The following BAZ2A variants were observed in gnomAD, a reference collection of about 807,000 sequenced individuals.
The protein encoded by BAZ2A is bromodomain adjacent to zinc finger domain 2A.
Under a neutral mutation model 199.9 loss-of-function variants are expected in BAZ2A, and 34 were observed. The ratio of observed to expected loss-of-function variants is 0.17; its 90% CI spans 0.13 to 0.23. The LOEUF (loss-of-function observed/expected upper bound fraction) is 0.23, where lower values mean the gene tolerates loss of function less well. BAZ2A is among the 10% of genes least tolerant of loss of function. The pLI is 1.00. For synonymous variants in BAZ2A, 857 were observed against 883.9 expected, an observed-to-expected ratio of 0.97 and a Z score of 0.54; for missense variants, 2,002 against 2,391.1, an observed-to-expected ratio of 0.84 and a Z score of 3.39.
intron 27 of BAZ2A, 56 bp from the exon 28 acceptor site, chr12:56,599,067 T>C (rs925756025): frequency 6.3e-7 from 1 of 1,599,910 alleles, no homozygotes; most frequent in Non-Finnish European, 8.5e-7. Context: ...TACTGACCCC[T>C]CCCAGCCCTT....
chr12:56,603,240 C>T lies in BAZ2A; in HGVS notation c.3279+119G>A, dbSNP rs1950238698. 41 of 1,193,242 alleles carry T rather than the reference C, an allele frequency of 3.4e-5. 1 individual carries two copies. Among genetic ancestry groups the T allele is most frequent in the Middle Eastern group, 5.6e-4 (2 of 3,592 alleles). 73.9% of individuals were successfully genotyped at this position (1,193,242 alleles called of 1,614,324 possible). A position where few individuals can be genotyped will look rare whatever the true frequency, so the allele number is the denominator to read the frequency against. On this transcript the variant is annotated intron_variant, in intron 18 of 28. Coordinates refer to ENST00000549884, the MANE Select transcript of BAZ2A (RefSeq NM_001300905.2). ...CCATGATCGTGCCACTGCACTCCAG[C>T]CTGGGTAACAGAAACCCCATCTCAA...
chr12:56,626,266 G>T (rs1258024282), intron 1 of BAZ2A, among the ~76,000 whole-genome samples: 2 of 152,128 alleles, frequency 1.3e-5, no homozygotes, highest in East Asian at 3.8e-4. Flanking sequence ...TTTACCCCAG[G>T]AATTATCTCA....
chr12:56,625,137 A>AT, intron 1 of BAZ2A, among the ~76,000 whole-genome samples: 1 of 140,738 alleles, frequency 7.1e-6, no homozygotes, highest in African/African-American at 2.6e-5. Context: ...TTCAGCTCTG[A>AT]TTGTTTCTTA....
chr12:56,611,727 A>C, intron 6 of BAZ2A, 46 bp downstream of exon 6: 1 of 1,520,062 alleles, frequency 6.6e-7, no homozygotes, highest in Non-Finnish European at 8.8e-7. Context: ...GGGACAGAAA[A>C]GTTTCTTGGA....
chr12:56,608,793 T>A (rs1405901737), intron 10 of BAZ2A, among the ~76,000 whole-genome samples: 2 of 149,932 alleles, frequency 1.3e-5, no homozygotes, highest in East Asian at 2.0e-4. Flanking sequence ...GGTCTTGAAC[T>A]CCCGACCTCA....
At chr12:56,599,387 A>G (rs760676946) in intron 26 of BAZ2A, 29 bp from the exon 27 acceptor site, 2 of 1,595,582 alleles carry the variant, frequency 1.3e-6, no homozygotes, top group Admixed American at 1.7e-5. Context: ...TGAGATTAGC[A>G]ACAGCTGGAG....
At chr12:56,612,287 A>C (rs180946270) in intron 5 of BAZ2A, 41 bp from the exon 6 acceptor site, 30 of 1,430,340 alleles carry the variant, frequency 2.1e-5, no homozygotes, top group Non-Finnish European at 2.8e-5. Flanking sequence ...AAAAAAAAAA[A>C]GGCATCACAT....
chr12:56,596,194 CTTG>C lies in BAZ2A; in HGVS notation c.*2421_*2423del, dbSNP rs1182574279. Reference sequence around the variant, plus strand: ...TTTTGCTGTAAAAGGAACACAGAAACTTGTTGGTGTTGATGGTGTGGTTTCTTC... The same window carrying C: ...TTTTGCTGTAAAAGGAACACAGAAACTTGGTGTTGATGGTGTGGTTTCTTC... On this transcript the variant is annotated 3_prime_UTR_variant, in exon 29 of 29. Transcript: ENST00000549884. 1 of 152,734 alleles carries C rather than the reference CTTG, an allele frequency of 6.5e-6. No individual in the cohort carries two copies. The highest frequency in any genetic ancestry group is 6.5e-5 in the Admixed American group (1 of 15,290). 9.5% of individuals were successfully genotyped at this position (152,734 alleles called of 1,614,324 possible).
chr12:56,615,906 TTTTG>T (rs754780389), intron 2 of BAZ2A, among the ~76,000 whole-genome samples: 8 of 152,076 alleles, frequency 5.3e-5, no homozygotes, highest in Admixed American at 3.3e-4. Context: ...TTGGTTTATT[TTTTG>T]TTTGTTTGTT....
chr12:56,600,800 A>C lies in BAZ2A; in HGVS notation c.4483T>G (p.Phe1495Val). ...PIFEPRQLPA[F>V]QEGIMSWSPK... ...GACCAGCTCATAATCCCTTCTTGAA[A>C]GGCAGGTAGTTGCCTGGGCTCAAAG... The change falls in exon 23 of 29, where the codon TTT (phenylalanine) becomes GTT (valine). Residue 1495 changes from phenylalanine to valine, a missense_variant. This residue lies in a region of BAZ2A where 1,081 missense variants were observed against 1,274.7 expected (regional missense o/e 0.85). Transcript: ENST00000549884. 1.1e-5 allele frequency: 17 copies of C among 1,613,898 alleles called. No individual in the cohort carries two copies. Among genetic ancestry groups the C allele is most frequent in the Non-Finnish European group, 1.4e-5 (17 of 1,179,860 alleles).
In BAZ2A at chr12:56,617,385, T is replaced by G; in HGVS notation, c.136+10A>C. 6.3e-7 allele frequency: 1 copy of G among 1,592,156 alleles called. No homozygotes were observed. On this transcript the variant is annotated intron_variant, in intron 2 of 28. Coordinates refer to ENST00000549884, the MANE Select transcript of BAZ2A (RefSeq NM_001300905.2). ...ATTCCCTCCCCAGGCCAAGCAGCCC[T>G]CACACTCACTTTTCCCTTGCTGGGG... is the stretch of plus-strand genomic sequence containing the variant.
At chr12:56,621,890 A>T (rs1950931172) in intron 1 of BAZ2A, among the ~76,000 whole-genome samples, 1 of 151,944 alleles carries the variant, frequency 6.6e-6, no homozygotes, top group Non-Finnish European at 1.5e-5. Context: ...GGGTCTCGCT[A>T]TGTTGCCCAT....
intron 1 of BAZ2A, among the ~76,000 whole-genome samples, chr12:56,627,807 C>T (rs1379852224): frequency 2.2e-5 from 3 of 134,068 alleles, no homozygotes; most frequent in East Asian, 2.1e-4. Flanking sequence ...GCCTGGGCAT[C>T]GGAGTGAGAC....
chr12:56,617,172 A>G (rs1019993691), intron 2 of BAZ2A, among the ~76,000 whole-genome samples: 10 of 149,920 alleles, frequency 6.7e-5, no homozygotes, highest in African/African-American at 2.2e-4. Flanking sequence ...AGCCAGGGGA[A>G]CAGGGCTGAC....
chr12:56,628,251 C>T (rs1421874776), intron 1 of BAZ2A, among the ~76,000 whole-genome samples: 1 of 147,686 alleles, frequency 6.8e-6, no homozygotes, highest in Non-Finnish European at 1.5e-5. Flanking sequence ...AAATAAAATT[C>T]TGTGGCCAAC....
chr12:56,605,501 A>G (rs1243317690), intron 13 of BAZ2A, 174 bp from the exon 14 acceptor site: 9 of 728,274 alleles, frequency 1.2e-5, no homozygotes, highest in African/African-American at 1.1e-4. Flanking sequence ...TGCTTACTGC[A>G]GCCTCGACCT....
intron 19 of BAZ2A, 121 bp from the exon 20 acceptor site, chr12:56,602,313 T>A: frequency 1.1e-6 from 1 of 882,118 alleles, no homozygotes; most frequent in South Asian, 1.8e-5. Context: ...TTTTTGAGAT[T>A]CCACTGGGAA....
At chr12:56,600,174 C>G (rs767894042) in intron 24 of BAZ2A, 27 bp downstream of exon 24, 2 of 1,612,244 alleles carry the variant, frequency 1.2e-6, no homozygotes, top group South Asian at 2.2e-5. Context: ...TCTCCAAGAC[C>G]AAGAATGGAG....
intron 1 of BAZ2A, among the ~76,000 whole-genome samples, chr12:56,627,437 G>C (rs1246537952): frequency 9.0e-5 from 13 of 144,986 alleles, no homozygotes; most frequent in Non-Finnish European, 1.5e-4. Flanking sequence ...CCGTACTCCA[G>C]CCTGGGCAAC....
Sources: allele counts gnomAD v4.1 joint callset (sites outside exome capture counted in the v4.1 genomes callset), GRCh38; gene constraint gnomAD v4.1.1; regional missense constraint gnomAD v4.1.1; transcripts MANE v1.5; gene names NCBI Gene and HGNC (gene_info 2026-07-23, HGNC 2026-07-21).